HIPK1: variants seen among roughly 807,000 people sequenced by gnomAD.
HIPK1 encodes the protein homeodomain-interacting protein kinase 1.
Under a neutral mutation model 117.1 loss-of-function variants are expected in HIPK1, and 28 were observed. The observed-to-expected ratio is 0.24, with a 90% confidence interval of 0.18 to 0.33. The LOEUF is 0.33. Ranked by LOEUF, HIPK1 falls within the 10% of genes least tolerant of loss-of-function variation. The pLI is 1.00. For synonymous variants in HIPK1, 605 were observed against 562.5 expected (o/e 1.08, Z -1.07); for missense variants, 1,122 against 1,475.1 (o/e 0.76, Z 3.92).
At chr1:113,970,774 G>A (rs1485428155) in intron 14 of HIPK1, among the ~76,000 whole-genome samples, 1 of 152,112 alleles carries the variant, frequency 6.6e-6, no homozygotes, top group Non-Finnish European at 1.5e-5. Flanking sequence ...GATTTTTGTA[G>A]CATAACATAG....
Position 113,967,797 on chromosome 1 carries a change from A to G in HIPK1, c.2413A>G (p.Thr805Ala). ...CCACTCTCATGGCAACCAGTACAGCACTATCATGCAGCAGCCATCCTTGCT... is the reference window on the plus strand; with the variant it reads ...CCACTCTCATGGCAACCAGTACAGCGCTATCATGCAGCAGCCATCCTTGCT... Reference protein sequence around the residue: ...NAHSHGNQYSTIMQQPSLLTN... With the variant: ...NAHSHGNQYSAIMQQPSLLTN... The change falls in exon 12 of 16, where the codon ACT becomes GCT. Residue 805 changes from threonine (T) to alanine (A), a missense_variant. Physicochemically the swap from Thr to Ala is moderately conservative, Grantham distance 58. Around this residue, in one of 6 missense-constraint regions of HIPK1, gnomAD observed 731 missense variants for 860.4 expected, o/e 0.85. Coordinates refer to ENST00000426820, the MANE Select transcript of HIPK1 (RefSeq NM_198268.3). 2 of 1,601,684 alleles carry G rather than the reference A, an allele frequency of 1.2e-6. No homozygotes were observed. The highest frequency in any genetic ancestry group is 2.2e-5 in the South Asian group (2 of 88,936).
At chr1:113,945,960 C>T (rs1670962248) in intron 2 of HIPK1, among the ~76,000 whole-genome samples, 1 of 152,114 alleles carries the variant, frequency 6.6e-6, no homozygotes, top group African/African-American at 2.4e-5. Flanking sequence ...AATAGTAAGT[C>T]AGTCCATCCT....
At chr1:113,937,182 T>C (rs1014331543) in intron 1 of HIPK1, among the ~76,000 whole-genome samples, 2 of 152,158 alleles carry the variant, frequency 1.3e-5, no homozygotes, top group Admixed American at 6.6e-5. Flanking sequence ...TTTATATAAA[T>C]TATGGAAACT....
At chr1:113,956,865 G>C in intron 6 of HIPK1, 54 bp downstream of exon 6, 1 of 1,517,112 alleles carries the variant, frequency 6.6e-7, no homozygotes, top group Non-Finnish European at 9.1e-7. Flanking sequence ...TTGAGTTACC[G>C]CCTTATCAAT....
At chr1:113,961,184 G>A (rs769007591) in intron 8 of HIPK1, among the ~76,000 whole-genome samples, 1 of 152,154 alleles carries the variant, frequency 6.6e-6, no homozygotes, top group Non-Finnish European at 1.5e-5. Context: ...AGGTCTATTT[G>A]TAGGAAAGAT....
At chr1:113,969,648 G>T (rs1344127604) in intron 13 of HIPK1, among the ~76,000 whole-genome samples, 1 of 152,138 alleles carries the variant, frequency 6.6e-6, no homozygotes, top group African/African-American at 2.4e-5. Context: ...GGTGGCTCAT[G>T]CCTGCAATCC....
At chr1:113,938,516 A>G (rs1165293198) in intron 1 of HIPK1, among the ~76,000 whole-genome samples, 1 of 152,174 alleles carries the variant, frequency 6.6e-6, no homozygotes, top group Non-Finnish European at 1.5e-5. Flanking sequence ...TTTAAAAGCA[A>G]AGATCTACTG....
chr1:113,967,591 G>T (rs1189979711), intron 11 of HIPK1, among the ~76,000 whole-genome samples, 175 bp from the exon 12 acceptor site: 1 of 151,960 alleles, frequency 6.6e-6, no homozygotes, highest in African/African-American at 2.4e-5. Flanking sequence ...TTTTTCCATA[G>T]AGTTGTTTGA....
intron 1 of HIPK1, chr1:113,933,233 G>C: frequency 8.2e-6 from 8 of 980,808 alleles, no homozygotes; most frequent in Non-Finnish European, 9.7e-6. Context: ...GAGACTAGAA[G>C]GGTAAGTAAA....
intron 2 of HIPK1, among the ~76,000 whole-genome samples, chr1:113,947,224 C>G (rs1671041992): frequency 6.6e-6 from 1 of 152,186 alleles, no homozygotes; most frequent in Non-Finnish European, 1.5e-5. Context: ...CTCTGGCTCA[C>G]TGTAAATGTG....
At chr1:113,934,456 G>T (rs1283020054) in intron 1 of HIPK1, among the ~76,000 whole-genome samples, 7 of 152,078 alleles carry the variant, frequency 4.6e-5, no homozygotes, top group Non-Finnish European at 1.0e-4. Flanking sequence ...TGAAAGCCTT[G>T]GATTCTAGCT....
Position 113,929,403 on chromosome 1 carries a change from A to G in HIPK1, c.-132A>G, listed in dbSNP as rs1394756067. On this transcript the variant is annotated 5_prime_UTR_variant, in exon 1 of 16. Coordinates refer to ENST00000426820, the MANE Select transcript of HIPK1 (RefSeq NM_198268.3). ...AGTCTGCAGTGCGGAGGGGGCGGGA[A>G]GTCCAGGCCCCGCACTCGATCCACG... 1 of 1,289,228 alleles carries G rather than the reference A, an allele frequency of 7.8e-7. No individual in the cohort carries two copies. The highest frequency in any genetic ancestry group is 1.0e-6 in the Non-Finnish European group (1 of 988,852). The allele number at this position is 1,289,228 out of a possible 1,614,324, so 79.9% of individuals were successfully genotyped here.
At chr1:113,929,612 C>T in intron 1 of HIPK1, 80 bp downstream of exon 1, 2 of 1,150,426 alleles carry the variant, frequency 1.7e-6, no homozygotes, top group Non-Finnish European at 2.3e-6. Context: ...GCTCGGCATT[C>T]CGTTCGTCGG....
chr1:113,971,458 T>C (rs1242638884), intron 14 of HIPK1, among the ~76,000 whole-genome samples: 1 of 152,244 alleles, frequency 6.6e-6, no homozygotes, highest in Non-Finnish European at 1.5e-5. Flanking sequence ...TACCAATAGC[T>C]TTCTCAGCTT....
chr1:113,969,787 G>A (rs200186087), intron 13 of HIPK1, among the ~76,000 whole-genome samples, 169 bp from the exon 14 acceptor site: 1 of 152,036 alleles, frequency 6.6e-6, no homozygotes, highest in African/African-American at 2.4e-5. Flanking sequence ...CACACCTGTA[G>A]TCCCAGCTAC....
Position 113,977,241 on chromosome 1 carries a change from T to G in HIPK1, c.*3729T>G, listed in dbSNP as rs1673186191. The G allele has an allele frequency of 6.5e-6, 1 of 152,766 alleles. No individual in the cohort carries two copies. The highest frequency in any genetic ancestry group is 6.5e-5 in the Admixed American group (1 of 15,270). The allele number at this position is 152,766 out of a possible 1,614,324, so 9.5% of individuals were successfully genotyped here. ...GAGCCTGCTTCCTATTTTGATTTTT[T>G]TTTTTTTTAACTGATAGATGGTGCA... On this transcript the variant is annotated 3_prime_UTR_variant, in exon 16 of 16. Coordinates refer to ENST00000426820, the MANE Select transcript of HIPK1 (RefSeq NM_198268.3).
intron 2 of HIPK1, among the ~76,000 whole-genome samples, chr1:113,952,139 A>G (rs1671409607): frequency 6.6e-6 from 1 of 151,848 alleles, no homozygotes; most frequent in African/African-American, 2.4e-5. Context: ...GGGTTTCACC[A>G]TATTGGCCAA....
Position 113,976,128 on chromosome 1 carries a change from G to A in HIPK1, c.*2616G>A, listed in dbSNP as rs1018950057. The A allele has an allele frequency of 6.5e-6, 1 of 152,748 alleles. No individual in the cohort carries two copies. Among genetic ancestry groups the A allele is most frequent in the South Asian group, 2.1e-4 (1 of 4,828 alleles). The allele number at this position is 152,748 out of a possible 1,614,324, so 9.5% of individuals were successfully genotyped here. A position where few individuals can be genotyped will look rare whatever the true frequency, so the allele number is the denominator to read the frequency against. On this transcript the variant is annotated 3_prime_UTR_variant, in exon 16 of 16. Transcript: ENST00000426820. ...ATTTGGAGTTTCTTCATTGTAAGGA[G>A]TAAGGGCTTCCAAGATGGGGCAGGT...
chr1:113,969,855 TGTG>T, intron 13 of HIPK1, 98 bp from the exon 14 acceptor site: 2 of 1,324,634 alleles, frequency 1.5e-6, no homozygotes, highest in South Asian at 2.6e-5. Context: ...CGCAGCGAGC[TGTG>T]ATCACTCCAC....
Sources: gnomAD v4.1 joint callset for allele counts (sites outside exome capture counted in the v4.1 genomes callset) on GRCh38, gnomAD v4.1.1 for gene constraint, gnomAD v4.1.1 regional missense constraint, MANE v1.5 for transcripts, NCBI Gene and HGNC (gene_info 2026-07-23, HGNC 2026-07-21) for gene names.